PCDHA6: variants seen among roughly 807,000 people sequenced by gnomAD.
The protein encoded by PCDHA6 is protocadherin alpha 6.
A neutral mutation model predicts 60.3 loss-of-function variants in PCDHA6; 55 were observed. The ratio of observed to expected loss-of-function variants is 0.91; its 90% CI spans 0.73 to 1.14. The LOEUF is 1.14. Ranked by LOEUF, PCDHA6 falls within the 50% of genes most tolerant of loss-of-function variation. The probability of loss-of-function intolerance (pLI) is 0.00; values close to 1 mark genes in which losing one functional copy is unlikely to be tolerated. For missense variants in PCDHA6, 1,327 were observed against 1,256.5 expected (o/e 1.06, Z -0.85); for synonymous variants, 652 against 557.9 (o/e 1.17, Z -2.38).
chr5:140,915,626 GTCTCTC>G (rs57920489), intron 1 of PCDHA6, among the ~76,000 whole-genome samples: 2,942 of 146,518 alleles, frequency 0.02, 88 homozygotes, highest in African/African-American at 0.07. Context: ...GTCTCTTTCT[GTCTCTC>G]TCTCTCTCTC....
Position 140,853,605 on chromosome 5 carries a change from G to A in PCDHA6, c.2394+23120G>A, listed in dbSNP as rs773791072. ...TCTTAGACACTTTGAGAGCAAAGGG[G>A]GTGCTGTAAATAAGTATACAAGATC... On this transcript the variant is annotated intron_variant, in intron 1 of 3. Transcript: ENST00000529310. 143 of 987,206 alleles carry A rather than the reference G, an allele frequency of 1.4e-4. 19 individuals carry two copies. The highest frequency in any genetic ancestry group is 1.7e-4 in the Non-Finnish European group (138 of 819,622). 61.2% of individuals were successfully genotyped at this position (987,206 alleles called of 1,614,324 possible). A position where few individuals can be genotyped will look rare whatever the true frequency, so the allele number is the denominator to read the frequency against.
At chr5:141,002,684 G>C (rs1432098268) in intron 3 of PCDHA6, among the ~76,000 whole-genome samples, 2 of 152,180 alleles carry the variant, frequency 1.3e-5, no homozygotes, top group Non-Finnish European at 2.9e-5. Context: ...TATACGACGT[G>C]CAGATTTGTT....
At position 140,980,684 on chromosome 5, in the gene PCDHA6, GA is replaced by G. The variant is rs782726576; in HGVS notation, c.2453+1687del. 1.5e-4 allele frequency among the ~76,000 whole-genome samples: 22 copies of G among 145,136 alleles called. No individual in the cohort carries two copies. In the East Asian group the frequency reaches 2.6e-3, roughly 17 times the overall value. ...AACTTCCTTATCCCATTTTCAAATT[GA>G]AAAAAAAAAGCCAAATGTGCTCCTA... On this transcript the variant is annotated intron_variant, in intron 2 of 3. Transcript: ENST00000529310.
At position 140,850,706 on chromosome 5, in the gene PCDHA6, G is replaced by A. The variant is rs2150495171; in HGVS notation, c.2394+20221G>A. ...AGGGCGAGTGCGCGCCTGGCAAGCC[G>A]ACGCTGGTGTGTTCTAGCGCGGTGG... is the stretch of plus-strand genomic sequence containing the variant. On this transcript the variant is annotated intron_variant, in intron 1 of 3. Coordinates refer to ENST00000529310, the MANE Select transcript of PCDHA6 (RefSeq NM_018909.4). 7 of 1,598,146 alleles carry A rather than the reference G, an allele frequency of 4.4e-6. No individual in the cohort carries two copies. In the East Asian group the frequency reaches 1.3e-4, roughly 31 times the overall value.
intron 1 of PCDHA6, chr5:140,877,422 G>T (rs781813282): frequency 6.2e-7 from 1 of 1,613,902 alleles, no homozygotes; most frequent in Non-Finnish European, 8.5e-7. Flanking sequence ...TGCTGGTGCT[G>T]GTGAAGGACC....
At chr5:140,871,497 G>T in intron 1 of PCDHA6, 1 of 1,586,946 alleles carries the variant, frequency 6.3e-7, no homozygotes, top group East Asian at 2.3e-5. Context: ...CCGGACAGGT[G>T]AGTTTTCTAC....
At chr5:140,841,759 A>T in intron 1 of PCDHA6, 1 of 1,613,894 alleles carries the variant, frequency 6.2e-7, no homozygotes, top group South Asian at 1.1e-5. Flanking sequence ...CAGAATCCAG[A>T]ATGCCAGACT....
intron 1 of PCDHA6, among the ~76,000 whole-genome samples, chr5:140,907,756 C>A (rs183321184): frequency 6.6e-6 from 1 of 152,146 alleles, no homozygotes; most frequent in African/African-American, 2.4e-5. Flanking sequence ...TGTTCATGGG[C>A]CCATTGGGTG....
chr5:140,918,502 C>A (rs1480204800), intron 1 of PCDHA6, among the ~76,000 whole-genome samples: 1 of 152,040 alleles, frequency 6.6e-6, no homozygotes, highest in Non-Finnish European at 1.5e-5. Context: ...TGGTACCAAT[C>A]CTTTTAAACT....
At chr5:140,878,358 A>G (rs2057559820) in intron 1 of PCDHA6, among the ~76,000 whole-genome samples, 1 of 152,254 alleles carries the variant, frequency 6.6e-6, no homozygotes, top group Non-Finnish European at 1.5e-5. Context: ...TATAAATGAT[A>G]TGTCTGACAT....
intron 1 of PCDHA6, chr5:140,857,804 G>T: frequency 6.3e-7 from 1 of 1,597,858 alleles, no homozygotes. Context: ...GTCGGTGGTT[G>T]CGGGTCACGT....
chr5:140,879,564 A>G (rs1232052888), intron 1 of PCDHA6, among the ~76,000 whole-genome samples: 2 of 152,254 alleles, frequency 1.3e-5, no homozygotes, highest in Non-Finnish European at 1.5e-5. Context: ...CCATGAAAGA[A>G]TAAAATTGCC....
rs2098422174 is a variant in PCDHA6 at position 141,011,893 on chromosome 5, T to G, written c.*1956T>G. On this transcript the variant is annotated 3_prime_UTR_variant, in exon 4 of 4. Coordinates refer to ENST00000529310, the MANE Select transcript of PCDHA6 (RefSeq NM_018909.4). ...CAATTTAGAAGTTTGATTAATTATATTATCTATTTAGGCATTAATATAAAA... is the reference window on the plus strand; with the variant it reads ...CAATTTAGAAGTTTGATTAATTATAGTATCTATTTAGGCATTAATATAAAA... The G allele has an allele frequency of 6.5e-6, 1 of 153,362 alleles. No individual in the cohort carries two copies. Among genetic ancestry groups the G allele is most frequent in the Admixed American group, 6.5e-5 (1 of 15,272 alleles). 9.5% of individuals were successfully genotyped at this position (153,362 alleles called of 1,614,324 possible). A position where few individuals can be genotyped will look rare whatever the true frequency, so the allele number is the denominator to read the frequency against.
chr5:140,969,630 A>G (rs1185557414), intron 1 of PCDHA6: 1 of 654,766 alleles, frequency 1.5e-6, no homozygotes, highest in Non-Finnish European at 2.5e-6. Flanking sequence ...GAAACAGGAC[A>G]GGCCTTGGAA....
chr5:140,884,521 G>C (rs569278761), intron 1 of PCDHA6: 1 of 1,614,196 alleles, frequency 6.2e-7, no homozygotes, highest in African/African-American at 1.3e-5. Context: ...GGTCGTACTC[G>C]CAGCAGAGGC....
At chr5:140,974,108 C>A (rs977903039) in intron 1 of PCDHA6, among the ~76,000 whole-genome samples, 3 of 152,182 alleles carry the variant, frequency 2.0e-5, no homozygotes, top group African/African-American at 7.2e-5. Flanking sequence ...TAAAAGTATT[C>A]TTTTGCAGTG....
intron 1 of PCDHA6, among the ~76,000 whole-genome samples, chr5:140,880,418 G>T (rs1554171267): frequency 6.6e-6 from 1 of 152,090 alleles, no homozygotes; most frequent in Non-Finnish European, 1.5e-5. Flanking sequence ...CTTAAAAGCG[G>T]GAACAGTTTT....
intron 1 of PCDHA6, chr5:140,871,528 T>G: frequency 2.0e-6 from 3 of 1,530,602 alleles, no homozygotes; most frequent in Non-Finnish European, 2.6e-6. Context: ...TATCAGGAAG[T>G]GTATGTGAAA....
intron 1 of PCDHA6, among the ~76,000 whole-genome samples, chr5:140,899,340 C>T (rs1199833845): frequency 6.6e-6 from 1 of 152,062 alleles, no homozygotes; most frequent in Non-Finnish European, 1.5e-5. Flanking sequence ...TCATAGATAG[C>T]TCTTATTATT....
Sources: allele counts gnomAD v4.1 joint callset (sites outside exome capture counted in the v4.1 genomes callset), GRCh38; gene constraint gnomAD v4.1.1; transcripts MANE v1.5; gene names NCBI Gene and HGNC (gene_info 2026-07-23, HGNC 2026-07-21).